Variants in TAFA1 observed in about 807,000 individuals in gnomAD.
TAFA1 encodes the protein chemokine-like protein TAFA-1.
TAFA1 carries 4 observed loss-of-function variants against 18.5 expected under a neutral mutation model. That is an observed-to-expected ratio of 0.22 (90% CI 0.11 to 0.49). TAFA1 has a LOEUF of 0.49. TAFA1 is among the 20% of genes least tolerant of loss of function. The pLI is 0.98. For synonymous variants in TAFA1, 56 were observed against 55.2 expected, an observed-to-expected ratio of 1.01 and a Z score of -0.06; for missense variants, 147 against 169.0, an observed-to-expected ratio of 0.87 and a Z score of 0.72.
At chr3:68,374,681 T>A (rs868786825) in intron 2 of TAFA1, among the ~76,000 whole-genome samples, 6 of 152,194 alleles carry the variant, frequency 3.9e-5, no homozygotes, top group Non-Finnish European at 7.3e-5. Context: ...CGCAATGCTG[T>A]GTCAGCATCA....
chr3:68,404,463 C>G (rs1053324394), intron 2 of TAFA1, among the ~76,000 whole-genome samples: 5 of 152,140 alleles, frequency 3.3e-5, no homozygotes, highest in African/African-American at 1.2e-4. Context: ...AAAGTAAAAT[C>G]TAACATCTAT....
intron 2 of TAFA1, among the ~76,000 whole-genome samples, chr3:68,170,884 A>G (rs1377062478): frequency 2.6e-5 from 4 of 151,882 alleles, no homozygotes; most frequent in Admixed American, 2.6e-4. Flanking sequence ...ACACACACAC[A>G]CGTACACACA....
At chr3:68,215,288 A>G (rs975271002) in intron 2 of TAFA1, among the ~76,000 whole-genome samples, 4 of 152,128 alleles carry the variant, frequency 2.6e-5, no homozygotes, top group African/African-American at 9.7e-5. Context: ...TGGTGAGAGT[A>G]CAGGATTTGG....
chr3:68,059,340 G>T (rs953337371), intron 2 of TAFA1, among the ~76,000 whole-genome samples: 2 of 152,084 alleles, frequency 1.3e-5, no homozygotes, highest in African/African-American at 4.8e-5. Flanking sequence ...ACCCTGGAAA[G>T]TAGATTCTAT....
intron 2 of TAFA1, among the ~76,000 whole-genome samples, chr3:68,084,204 G>A (rs561515125): frequency 2.2e-4 from 33 of 152,306 alleles, no homozygotes; most frequent in Admixed American, 1.2e-3. Context: ...GAGGAATATA[G>A]GTGTGGCAGG....
intron 3 of TAFA1, among the ~76,000 whole-genome samples, chr3:68,449,178 T>C (rs1342985234): frequency 2.6e-5 from 4 of 152,204 alleles, no homozygotes; most frequent in Admixed American, 6.5e-5. Context: ...GAAGGCTTCC[T>C]GCAGGAGGCG....
At chr3:68,071,707 A>G (rs781726019) in intron 2 of TAFA1, among the ~76,000 whole-genome samples, 9 of 152,182 alleles carry the variant, frequency 5.9e-5, no homozygotes, top group Non-Finnish European at 1.2e-4. Flanking sequence ...TTTAACGAAA[A>G]AAGATTTAAT....
intron 2 of TAFA1, among the ~76,000 whole-genome samples, chr3:68,338,767 A>G (rs1231570026): frequency 2.0e-5 from 3 of 152,218 alleles, no homozygotes; most frequent in African/African-American, 4.8e-5. Flanking sequence ...TGTATTAATC[A>G]GTTATTGCTA....
intron 3 of TAFA1, among the ~76,000 whole-genome samples, chr3:68,494,824 C>A (rs2072516788): frequency 6.6e-6 from 1 of 152,174 alleles, no homozygotes; most frequent in Non-Finnish European, 1.5e-5. Flanking sequence ...TTAGATAAAA[C>A]ATACAATGCA....
At chr3:68,476,666 G>A (rs756248750) in intron 3 of TAFA1, among the ~76,000 whole-genome samples, 3 of 152,000 alleles carry the variant, frequency 2.0e-5, no homozygotes, top group Non-Finnish European at 2.9e-5. Flanking sequence ...GTGACCTGGG[G>A]CCACACCTAA....
intron 3 of TAFA1, among the ~76,000 whole-genome samples, chr3:68,489,190 C>A (rs1316018651): frequency 1.3e-5 from 2 of 152,134 alleles, no homozygotes; most frequent in Non-Finnish European, 2.9e-5. Context: ...CCAGGATTTG[C>A]AGACTCAGAT....
In TAFA1 at chr3:68,073,185, G is replaced by C. The variant is rs112512985; in HGVS notation, c.118+66441G>C. Among the ~76,000 whole-genome samples, 23 of 152,134 alleles carry C rather than the reference G, an allele frequency of 1.5e-4. No homozygotes were observed. The East Asian group carries it at 2.9e-3, about 19-fold the overall frequency. ...TTTGAGTAGGCTTTGCTGTTTTTTT[G>C]GGTTTCTTGGAGGATTACTTATACC... On this transcript the variant is annotated intron_variant, in intron 2 of 4. Transcript: ENST00000478136.
rs758053148 is a variant in TAFA1, at chr3:68,205,715, G to A, written c.118+198971G>A. ...TAATAAAGTACAAATAAGTAGAAGC[G>A]GTGTCCCAGAAAACCAACATTGTCA... is the stretch of plus-strand genomic sequence containing the variant. On this transcript the variant is annotated intron_variant, in intron 2 of 4. Transcript: ENST00000478136. Among the ~76,000 whole-genome samples, 34 of 151,796 alleles carry A rather than the reference G, an allele frequency of 2.2e-4. 1 individual carries two copies. Among genetic ancestry groups the A allele is most frequent in the South Asian group, 2.1e-4 (1 of 4,816 alleles).
intron 2 of TAFA1, among the ~76,000 whole-genome samples, chr3:68,013,676 T>C (rs1004526242): frequency 6.6e-6 from 1 of 152,202 alleles, no homozygotes; most frequent in African/African-American, 2.4e-5. Flanking sequence ...TTTCCTTTCT[T>C]TGGGAATAAA....
At chr3:68,534,268 A>G (rs2073236558) in intron 3 of TAFA1, among the ~76,000 whole-genome samples, 2 of 152,306 alleles carry the variant, frequency 1.3e-5, no homozygotes, top group Admixed American at 6.5e-5. Flanking sequence ...TTTCATCTGC[A>G]TAACAGGACC....
chr3:68,105,861 A>G (rs139953248), intron 2 of TAFA1, among the ~76,000 whole-genome samples: 8 of 152,220 alleles, frequency 5.3e-5, no homozygotes, highest in Non-Finnish European at 1.0e-4. Flanking sequence ...GGCCTAATCT[A>G]TCTGGTATTT....
chr3:68,251,384 G>GT (rs2107163625), intron 2 of TAFA1, among the ~76,000 whole-genome samples: 1 of 152,286 alleles, frequency 6.6e-6, no homozygotes, highest in South Asian at 2.1e-4. Flanking sequence ...TTATCTACAT[G>GT]CCACTTCTCT....
At chr3:68,206,203 T>C (rs1482529928) in intron 2 of TAFA1, among the ~76,000 whole-genome samples, 1 of 151,846 alleles carries the variant, frequency 6.6e-6, no homozygotes, top group African/African-American at 2.4e-5. Context: ...ATATATTATG[T>C]GTTTATTAAG....
At chr3:68,068,248 C>A (rs1575599535) in intron 2 of TAFA1, among the ~76,000 whole-genome samples, 1 of 152,112 alleles carries the variant, frequency 6.6e-6, no homozygotes. Context: ...ATAAGACATA[C>A]AGAAAGAACA....
Sources: gnomAD v4.1 joint callset for allele counts (sites outside exome capture counted in the v4.1 genomes callset) on GRCh38, gnomAD v4.1.1 for gene constraint, MANE v1.5 for transcripts, NCBI Gene and HGNC (gene_info 2026-07-23, HGNC 2026-07-21) for gene names.